The following TTC28 variants were observed in gnomAD, a reference collection of about 807,000 sequenced individuals.
TTC28 encodes tetratricopeptide repeat protein 28.
In TTC28, 61 loss-of-function variants were observed where a neutral mutation model predicts 198.0. The observed-to-expected ratio is 0.31, with a 90% CI of 0.25 to 0.38. The LOEUF is 0.38. Among genes scored for constraint, TTC28 ranks in the 10% least tolerant of loss-of-function variants. TTC28 has a pLI of 1.00. For missense variants in TTC28, 2,678 were observed against 3,164.0 expected, an observed-to-expected ratio of 0.85 and a Z score of 3.69; for synonymous variants, 1,171 against 1,297.8, an observed-to-expected ratio of 0.90 and a Z score of 2.10.
chr22:28,225,773 C>G (rs532344650), intron 5 of TTC28, among the ~76,000 whole-genome samples: 1 of 152,294 alleles, frequency 6.6e-6, no homozygotes, highest in East Asian at 1.9e-4. Context: ...CCTTTGCATT[C>G]GCTACTTTTT....
Position 28,397,533 on chromosome 22 carries a change from A to C in TTC28, c.382-90890T>G, listed in dbSNP as rs146589876. On this transcript the variant is annotated intron_variant, in intron 2 of 22. Transcript: ENST00000397906. ...AGCTCTTACAGCAAAACAGTGCTGAAAGGATGACCAAGTAAATAGTATACA... is the reference window on the plus strand; with the variant it reads ...AGCTCTTACAGCAAAACAGTGCTGACAGGATGACCAAGTAAATAGTATACA... 3.4e-3 allele frequency among the ~76,000 whole-genome samples: 515 copies of C among 152,362 alleles called. 1 individual carries two copies. Among genetic ancestry groups the C allele is most frequent in the African/African-American group, 0.011 (445 of 41,580 alleles).
Position 27,979,581 on chromosome 22 carries a change from T to C in TTC28, c.*2640A>G, listed in dbSNP as rs1244834086. The C allele has an allele frequency of 6.6e-6, 1 of 151,708 alleles. No homozygotes were observed. The highest frequency in any genetic ancestry group is 1.9e-4 in the East Asian group (1 of 5,182). The allele number at this position is 151,708 out of a possible 1,614,324, so 9.4% of individuals were successfully genotyped here. A position where few individuals can be genotyped will look rare whatever the true frequency, so the allele number is the denominator to read the frequency against. On this transcript the variant is annotated 3_prime_UTR_variant, in exon 23 of 23. Coordinates refer to ENST00000397906, the MANE Select transcript of TTC28 (RefSeq NM_001145418.2). The stretch of plus-strand genomic sequence containing the variant: ...TTACTTATATAACCCTTTAAAAAGG[T>C]AACTTAGCTCATGGCTGTGAAAAAC...
intron 5 of TTC28, among the ~76,000 whole-genome samples, chr22:28,199,391 A>T (rs1925691797): frequency 7.5e-5 from 1 of 13,382 alleles, no homozygotes. Flanking sequence ...AATTATATAT[A>T]TATATATATA....
chr22:28,071,560 T>C (rs1940967974), intron 12 of TTC28, among the ~76,000 whole-genome samples: 1 of 141,424 alleles, frequency 7.1e-6, no homozygotes, highest in Admixed American at 7.2e-5. Flanking sequence ...TGAAGGGGAA[T>C]ATCACACTCT....
chr22:28,272,484 T>C (rs1327096627), intron 5 of TTC28, among the ~76,000 whole-genome samples: 5 of 152,186 alleles, frequency 3.3e-5, no homozygotes, highest in African/African-American at 1.2e-4. Context: ...AGCTATAAAA[T>C]GAGGGCAAGG....
intron 6 of TTC28, among the ~76,000 whole-genome samples, chr22:28,151,255 C>T (rs1281456574): frequency 1.3e-5 from 2 of 152,216 alleles, no homozygotes; most frequent in African/African-American, 2.4e-5. Context: ...CTGCTGATAA[C>T]ATCAGATTAC....
At chr22:28,484,027 C>T (rs1282357196) in intron 2 of TTC28, among the ~76,000 whole-genome samples, 1 of 152,176 alleles carries the variant, frequency 6.6e-6, no homozygotes, top group Non-Finnish European at 1.5e-5. Flanking sequence ...AATAGCTTTT[C>T]GTCTTGCTCT....
chr22:28,566,527 T>C (rs191536776), intron 2 of TTC28, among the ~76,000 whole-genome samples: 14 of 152,322 alleles, frequency 9.2e-5, no homozygotes, highest in African/African-American at 3.4e-4. Flanking sequence ...AAGGAAGCTA[T>C]ATTTTCTTTG....
At chr22:28,657,739 T>C (rs9620810) in intron 1 of TTC28, among the ~76,000 whole-genome samples, 20,758 of 151,962 alleles carry the variant, frequency 0.14, 1,671 homozygotes, top group African/African-American at 0.2. Context: ...ATAAACTAGG[T>C]GAGATGGCGC....
chr22:28,491,026 T>G (rs1045471825), intron 2 of TTC28, among the ~76,000 whole-genome samples: 1 of 152,166 alleles, frequency 6.6e-6, no homozygotes, highest in Non-Finnish European at 1.5e-5. Context: ...GAGAAGTTTT[T>G]TGGGGGGAAA....
chr22:28,185,643 ATAAC>A (rs1159553276), intron 5 of TTC28, among the ~76,000 whole-genome samples: 5 of 152,200 alleles, frequency 3.3e-5, no homozygotes, highest in African/African-American at 1.2e-4. Flanking sequence ...TTGTAATTAA[ATAAC>A]TACAGTATGT....
At chr22:28,117,607 G>C (rs1366184513) in intron 6 of TTC28, among the ~76,000 whole-genome samples, 4 of 152,166 alleles carry the variant, frequency 2.6e-5, no homozygotes, top group Non-Finnish European at 5.9e-5. Flanking sequence ...GGGTTATCAT[G>C]GTGCCCTCGA....
chr22:28,604,297 T>TACATA (rs1053139903), intron 2 of TTC28, among the ~76,000 whole-genome samples: 14 of 114,126 alleles, frequency 1.2e-4, no homozygotes, highest in African/African-American at 4.9e-4. Flanking sequence ...AAAAAAAAAA[T>TACATA]TATATATATA....
chr22:28,671,432 G>A (rs545314274), intron 1 of TTC28, among the ~76,000 whole-genome samples: 4 of 151,868 alleles, frequency 2.6e-5, no homozygotes, highest in Admixed American at 6.6e-5. Context: ...TCAGGAGATC[G>A]AGACCATCCT....
At chr22:28,379,583 T>C (rs2046465111) in intron 2 of TTC28, among the ~76,000 whole-genome samples, 1 of 152,118 alleles carries the variant, frequency 6.6e-6, no homozygotes, top group South Asian at 2.1e-4. Context: ...GTCAAGTTCA[T>C]AAAGACAGAA....
chr22:28,336,190 T>G (rs567706110), intron 2 of TTC28, among the ~76,000 whole-genome samples: 1 of 152,174 alleles, frequency 6.6e-6, no homozygotes, highest in Non-Finnish European at 1.5e-5. Flanking sequence ...GGATGAAGCC[T>G]GCTTGATCGT....
intron 2 of TTC28, among the ~76,000 whole-genome samples, chr22:28,325,026 A>T (rs2145857519): frequency 6.6e-6 from 1 of 151,900 alleles, no homozygotes; most frequent in Middle Eastern, 3.4e-3. Flanking sequence ...TTTTTCTATC[A>T]ATTGGAATCG....
intron 5 of TTC28, among the ~76,000 whole-genome samples, chr22:28,290,412 A>G (rs942351392): frequency 6.6e-6 from 1 of 152,206 alleles, no homozygotes. Flanking sequence ...TCAAAGATCT[A>G]ATTAGTGCAA....
chr22:28,357,213 C>T (rs1427277950), intron 2 of TTC28, among the ~76,000 whole-genome samples: 1 of 152,098 alleles, frequency 6.6e-6, no homozygotes, highest in East Asian at 1.9e-4. Flanking sequence ...AATGTACCTC[C>T]CCAAATAAAG....
Sources: allele counts gnomAD v4.1 joint callset (sites outside exome capture counted in the v4.1 genomes callset), GRCh38; gene constraint gnomAD v4.1.1; transcripts MANE v1.5; gene names NCBI Gene and HGNC (gene_info 2026-07-23, HGNC 2026-07-21).